DSCAM: variants seen among roughly 807,000 people sequenced by gnomAD.
DSCAM encodes the protein cell adhesion molecule DSCAM.
A neutral mutation model predicts 217.7 loss-of-function variants in DSCAM; 47 were observed. The observed-to-expected ratio is 0.22, with a 90% CI of 0.17 to 0.28. The LOEUF (loss-of-function observed/expected upper bound fraction) is 0.28, where lower values mean the gene tolerates loss of function less well. Among genes scored for constraint, DSCAM ranks in the 10% least tolerant of loss-of-function variants. The pLI is 1.00. For missense variants in DSCAM, 2,080 were observed against 2,618.3 expected (o/e 0.79, Z 4.49); for synonymous variants, 1,056 against 1,015.3 (o/e 1.04, Z -0.76).
At position 40,786,067 on chromosome 21, in the gene DSCAM, T is replaced by C. The variant is rs369049759; in HGVS notation, c.43+60552A>G. 7.9e-5 allele frequency among the ~76,000 whole-genome samples: 12 copies of C among 152,206 alleles called. No individual in the cohort carries two copies. In the East Asian group the frequency reaches 1.4e-3, roughly 17 times the overall value. The stretch of plus-strand genomic sequence containing the variant: ...GCCTGACCAACATGGAGAAACCCTG[T>C]CTCTACCAAAAATACAAAATTAGCC... On this transcript the variant is annotated intron_variant, in intron 1 of 32. Transcript: ENST00000400454.
At chr21:40,824,987 G>A (rs2123612680) in intron 1 of DSCAM, among the ~76,000 whole-genome samples, 1 of 152,318 alleles carries the variant, frequency 6.6e-6, no homozygotes, top group Middle Eastern at 3.4e-3. Flanking sequence ...GTCCGACATG[G>A]TGGTCATTAT....
chr21:40,144,868 C>T lies in DSCAM; in HGVS notation c.3019-137G>A. The T allele has an allele frequency of 1.6e-6, 2 of 1,271,136 alleles. No homozygotes were observed. The highest frequency in any genetic ancestry group is 2.4e-4 in the Middle Eastern group (1 of 4,236). 78.7% of individuals were successfully genotyped at this position (1,271,136 alleles called of 1,614,324 possible). A position where few individuals can be genotyped will look rare whatever the true frequency, so the allele number is the denominator to read the frequency against. ...TGCTGGGGCGGTGGTCCGGTAGCAG[C>T]CGCAAACCCACGTACAGTGCAACTT... is the stretch of plus-strand genomic sequence containing the variant. On this transcript the variant is annotated intron_variant, in intron 16 of 32. Coordinates refer to ENST00000400454, the MANE Select transcript of DSCAM (RefSeq NM_001389.5). This position sits in a 1 kb window ranked among gnomAD's most constrained non-coding sequence, Gnocchi z 4.8.
At chr21:40,254,433 A>G (rs1296577163) in intron 11 of DSCAM, among the ~76,000 whole-genome samples, 2 of 152,190 alleles carry the variant, frequency 1.3e-5, no homozygotes, top group Non-Finnish European at 2.9e-5. Flanking sequence ...CCATTCCTCT[A>G]AGCAAGAAAG....
chr21:40,121,293 A>G (rs919850186), intron 20 of DSCAM, among the ~76,000 whole-genome samples: 1 of 152,222 alleles, frequency 6.6e-6, no homozygotes, highest in African/African-American at 2.4e-5. Context: ...ATCATTTCAT[A>G]TTTAAAACAG....
In DSCAM at chr21:40,144,666, G is replaced by A. The variant is rs1178683489; in HGVS notation, c.3084C>T (p.Ser1028=). The part of the protein sequence containing the change: ...RGYQIGYREY[S]TGGNFQFNII... The stretch of plus-strand genomic sequence containing the variant: ...TGTTGAATTGGAAGTTACCCCCAGT[G>A]CTGTACTCTCGGTAACCTATTTGGT... Residue 1028 remains serine, a synonymous_variant, in exon 17 of 33, where the codon AGC becomes AGT. Coordinates refer to ENST00000400454, the MANE Select transcript of DSCAM (RefSeq NM_001389.5). This position sits in a 1 kb window ranked among gnomAD's most constrained non-coding sequence, Gnocchi z 4.8. 1.4e-5 allele frequency: 22 copies of A among 1,614,058 alleles called. No individual in the cohort carries two copies. The highest frequency in any genetic ancestry group is 1.8e-5 in the Non-Finnish European group (21 of 1,180,050).
chr21:40,055,503 C>G (rs2089000313), intron 29 of DSCAM, among the ~76,000 whole-genome samples: 1 of 152,198 alleles, frequency 6.6e-6, no homozygotes. Context: ...CTGGAACTGA[C>G]TGGCATATTG....
chr21:40,340,917 T>A (rs981024922), intron 6 of DSCAM, among the ~76,000 whole-genome samples: 1 of 152,150 alleles, frequency 6.6e-6, no homozygotes. Context: ...TAGTTCTTGG[T>A]CAGGGAGGCC....
intron 1 of DSCAM, among the ~76,000 whole-genome samples, chr21:40,784,497 G>C (rs1054635575): frequency 9.2e-5 from 14 of 152,094 alleles, no homozygotes; most frequent in Admixed American, 8.5e-4. Flanking sequence ...CTAATACAAC[G>C]TGCTTTGGAT....
intron 1 of DSCAM, among the ~76,000 whole-genome samples, chr21:40,757,022 T>A (rs2091283708): frequency 6.6e-6 from 1 of 151,968 alleles, no homozygotes; most frequent in Admixed American, 6.6e-5. Context: ...TATTTTATTT[T>A]TATTTTTATT....
At chr21:40,356,516 C>T (rs1328320829) in intron 4 of DSCAM, among the ~76,000 whole-genome samples, 3 of 151,868 alleles carry the variant, frequency 2.0e-5, no homozygotes, top group South Asian at 2.1e-4. Flanking sequence ...ATGTAACAGG[C>T]GAAAATGTGT....
chr21:40,733,436 C>T (rs1002271747), intron 1 of DSCAM, among the ~76,000 whole-genome samples: 3 of 152,200 alleles, frequency 2.0e-5, no homozygotes, highest in Non-Finnish European at 4.4e-5. Context: ...TTTGGAGATA[C>T]TGTTGATTGT....
intron 3 of DSCAM, among the ~76,000 whole-genome samples, chr21:40,451,563 C>A (rs2075719901): frequency 6.6e-6 from 1 of 152,130 alleles, no homozygotes; most frequent in Admixed American, 6.5e-5. Flanking sequence ...GTATATATAG[C>A]TGTCAGAATA....
intron 16 of DSCAM, among the ~76,000 whole-genome samples, chr21:40,159,862 C>T (rs932069036): frequency 1.8e-4 from 28 of 152,358 alleles, no homozygotes; most frequent in Middle Eastern, 3.4e-3. Context: ...GGATTACAGG[C>T]ATGTGCCACT....
rs142145114 is a variant in DSCAM, at chr21:40,331,497, C to T, written c.1783+6604G>A. 6.6e-3 allele frequency among the ~76,000 whole-genome samples: 1,000 copies of T among 152,254 alleles called. 6 individuals are homozygous for T. The highest frequency in any genetic ancestry group is 0.022 in the African/African-American group (934 of 41,538). On this transcript the variant is annotated intron_variant, in intron 8 of 32. Transcript: ENST00000400454. ...CCAACAGCAATACAGCAAGACATTA[C>T]GGTGACAGACGAGACACAGCACAGG...
At chr21:40,410,414 G>T (rs547640537) in intron 3 of DSCAM, among the ~76,000 whole-genome samples, 29 of 152,162 alleles carry the variant, frequency 1.9e-4, no homozygotes, top group South Asian at 4.2e-4. Flanking sequence ...AGGGGAGGCA[G>T]AGTTAGGACT....
At chr21:40,405,625 A>G (rs938429995) in intron 3 of DSCAM, among the ~76,000 whole-genome samples, 13 of 152,208 alleles carry the variant, frequency 8.5e-5, no homozygotes, top group Admixed American at 2.6e-4. Flanking sequence ...CAAAATACAT[A>G]AGAGACTCAA....
intron 1 of DSCAM, among the ~76,000 whole-genome samples, chr21:40,769,320 A>C (rs1013712077): frequency 8.5e-5 from 13 of 152,320 alleles, no homozygotes; most frequent in African/African-American, 3.1e-4. Flanking sequence ...CCATTTAGGG[A>C]ATGTGGGAGC....
intron 3 of DSCAM, among the ~76,000 whole-genome samples, chr21:40,538,929 G>A (rs1245644270): frequency 1.3e-5 from 2 of 152,190 alleles, no homozygotes; most frequent in Admixed American, 6.5e-5. Flanking sequence ...AGTAGAGGAT[G>A]AAACAGCACA....
At chr21:40,107,346 A>T (rs1345028995) in intron 20 of DSCAM, among the ~76,000 whole-genome samples, 1 of 152,076 alleles carries the variant, frequency 6.6e-6, no homozygotes, top group Non-Finnish European at 1.5e-5. Flanking sequence ...GACTGTTACG[A>T]CTTCAGTTCT....
Sources: allele counts gnomAD v4.1 joint callset (sites outside exome capture counted in the v4.1 genomes callset), GRCh38; gene constraint gnomAD v4.1.1; non-coding constraint Gnocchi (gnomAD v3.1); transcripts MANE v1.5; gene names NCBI Gene and HGNC (gene_info 2026-07-23, HGNC 2026-07-21).